Variants in ST6GALNAC2 observed in about 807,000 individuals in gnomAD.
The protein encoded by ST6GALNAC2 is ST6 N-acetylgalactosaminide alpha-2,6-sialyltransferase 2, also known as alpha-N-acetylgalactosaminide alpha-2,6-sialyltransferase 2.
ST6GALNAC2 carries 42 observed loss-of-function variants against 38.7 expected under a neutral mutation model. That is an observed-to-expected ratio of 1.09 (90% CI 0.85 to 1.40). The LOEUF (loss-of-function observed/expected upper bound fraction) is 1.40. ST6GALNAC2 is among the 40% of genes most tolerant of loss of function. The pLI is 0.00. For synonymous variants in ST6GALNAC2, 233 were observed against 209.0 expected (o/e 1.11, Z -0.99); for missense variants, 506 against 481.7 (o/e 1.05, Z -0.47).
chr17:76,577,244 T>G (rs138349091), intron 2 of ST6GALNAC2, among the ~76,000 whole-genome samples: 15,333 of 151,096 alleles, frequency 0.1, 896 homozygotes, highest in Middle Eastern at 0.15. Context: ...TTTTTTGTAT[T>G]TTTTGTAGAG....
Position 76,566,236 on chromosome 17 carries a change from C to T in ST6GALNAC2, c.993G>A (p.Trp331Ter). Reference sequence around the variant, plus strand: ...GTTCGAAATAGTGGTCGGAAAATTTCCAGTAGTTGCTTGTGATGAATCCAT... The same window carrying T: ...GTTCGAAATAGTGGTCGGAAAATTTTCAGTAGTTGCTTGTGATGAATCCAT... ...SAYGFITSNY[W>*]KFSDHYFERK... Residue 331 changes from tryptophan to a stop codon, truncating the protein, a stop_gained, in exon 9 of 9, where the codon TGG becomes TGA. Transcript: ENST00000225276. LOFTEE classifies it low-confidence loss of function (END_TRUNC). 1 of 1,614,094 alleles carries T rather than the reference C, an allele frequency of 6.2e-7. No homozygotes were observed. The highest frequency in any genetic ancestry group is 8.5e-7 in the Non-Finnish European group (1 of 1,180,036).
At chr17:76,580,562 G>A (rs11077830) in intron 1 of ST6GALNAC2, among the ~76,000 whole-genome samples, 113,820 of 151,358 alleles carry the variant, frequency 0.75, 43,077 homozygotes, top group East Asian at 0.84. Context: ...CAGGTGTGGC[G>A]GCGGGTGCCT....
chr17:76,568,690 TC>T, intron 7 of ST6GALNAC2, 22 bp downstream of exon 7: 1 of 1,612,720 alleles, frequency 6.2e-7, no homozygotes, highest in Non-Finnish European at 8.5e-7. Flanking sequence ...GGGACGCTGT[TC>T]TTCAGGCACC....
At chr17:76,581,492 C>T (rs1458323220) in intron 1 of ST6GALNAC2, among the ~76,000 whole-genome samples, 1 of 152,122 alleles carries the variant, frequency 6.6e-6, no homozygotes, top group Non-Finnish European at 1.5e-5. Flanking sequence ...GGCTGGAGAG[C>T]CTGACGGAGG....
Position 76,574,369 on chromosome 17 carries a change from G to C in ST6GALNAC2, c.357C>G (p.His119Gln), listed in dbSNP as rs367883248. ...GAGACAGCGGGCGCGGGTTACCTTG[G>C]TGAGAGAGCCCCCGCCAGCCATACG... ...KAPYGWRGLS[H>Q]QVIASTLSLL... Residue 119 changes from histidine (H) to glutamine (Q), a missense_variant, in exon 3 of 9, where the codon CAC (histidine) becomes CAG (glutamine). Transcript: ENST00000225276. 1.2e-6 allele frequency: 2 copies of C among 1,612,282 alleles called. No homozygotes were observed. Among genetic ancestry groups the C allele is most frequent in the Non-Finnish European group, 1.7e-6 (2 of 1,179,126 alleles).
At chr17:76,575,551 C>T (rs899557457) in intron 2 of ST6GALNAC2, among the ~76,000 whole-genome samples, 6 of 152,332 alleles carry the variant, frequency 3.9e-5, no homozygotes, top group African/African-American at 1.2e-4. Context: ...AGGCTTTCTT[C>T]GAGCCTTCGG....
At chr17:76,570,706 G>T in intron 5 of ST6GALNAC2, 38 bp from the exon 6 acceptor site, 1 of 1,527,878 alleles carries the variant, frequency 6.5e-7, no homozygotes, top group Non-Finnish European at 9.0e-7. Flanking sequence ...AGGGGAACCA[G>T]GACATGTTTA....
At chr17:76,566,296 A>G (rs1433101924) in intron 8 of ST6GALNAC2, 25 bp from the exon 9 acceptor site, 1 of 1,612,778 alleles carries the variant, frequency 6.2e-7, no homozygotes. Context: ...TCGCTGGATT[A>G]GTATTTGTTG....
intron 8 of ST6GALNAC2, among the ~76,000 whole-genome samples, chr17:76,566,699 T>TAA (rs55837742): frequency 4.3e-4 from 63 of 146,464 alleles, no homozygotes; most frequent in Non-Finnish European, 4.9e-4. Flanking sequence ...CTACAAAAAG[T>TAA]AAAAAAAAAA....
At chr17:76,583,861 G>T (rs1391200594) in intron 1 of ST6GALNAC2, among the ~76,000 whole-genome samples, 1 of 147,790 alleles carries the variant, frequency 6.8e-6, no homozygotes, top group African/African-American at 2.5e-5. Flanking sequence ...AGGCTGGAGT[G>T]CAGTGGCGCG....
chr17:76,571,078 G>A (rs2075348373), intron 5 of ST6GALNAC2: 1 of 156,956 alleles, frequency 6.4e-6, no homozygotes, highest in South Asian at 1.9e-4. Flanking sequence ...AAGTGGCAAG[G>A]GCCCGTGAGA....
chr17:76,575,449 G>A (rs1167030153), intron 2 of ST6GALNAC2, among the ~76,000 whole-genome samples: 4 of 151,962 alleles, frequency 2.6e-5, no homozygotes, highest in Admixed American at 6.6e-5. Flanking sequence ...AGCATCCGTG[G>A]AAAGAGGCCG....
At chr17:76,567,724 A>G in intron 7 of ST6GALNAC2, 172 bp from the exon 8 acceptor site, 3 of 473,168 alleles carry the variant, frequency 6.3e-6, no homozygotes, top group Non-Finnish European at 7.8e-6. Context: ...ACCTTAGGTA[A>G]GGTTGGGGGA....
chr17:76,574,570 GT>G, intron 2 of ST6GALNAC2, 31 bp from the exon 3 acceptor site: 1 of 500,972 alleles, frequency 2.0e-6, no homozygotes, highest in Non-Finnish European at 4.0e-6. Context: ...GCTGAGCCCC[GT>G]TAGGTAGGGG....
chr17:76,572,467 G>A lies in ST6GALNAC2; in HGVS notation c.669+170C>T, dbSNP rs772153254. 3.9e-5 allele frequency among the ~76,000 whole-genome samples: 6 copies of A among 152,142 alleles called. No individual in the cohort carries two copies. In the East Asian group the frequency reaches 9.6e-4, roughly 24 times the overall value. ...TGACGCCTGAATCAGCAGGGAGTCC[G>A]GGACCAGATCCCCCCTCACCTTCAG... On this transcript the variant is annotated intron_variant, in intron 5 of 8. Coordinates refer to ENST00000225276, the MANE Select transcript of ST6GALNAC2 (RefSeq NM_006456.3).
chr17:76,572,214 C>T (rs905308700), intron 5 of ST6GALNAC2, among the ~76,000 whole-genome samples: 9 of 152,058 alleles, frequency 5.9e-5, no homozygotes. Flanking sequence ...CTCCATAAAT[C>T]CCCTTCTCCT....
intron 2 of ST6GALNAC2, among the ~76,000 whole-genome samples, chr17:76,577,054 CT>C (rs199904327): frequency 1.1e-5 from 1 of 90,174 alleles, no homozygotes; most frequent in African/African-American, 3.6e-5. Flanking sequence ...TTAACAAATT[CT>C]TTTTTTTCTT....
At chr17:76,569,906 G>A (rs564241417) in intron 6 of ST6GALNAC2, 2 of 257,970 alleles carry the variant, frequency 7.8e-6, no homozygotes, top group East Asian at 1.5e-4. Flanking sequence ...CACAGCAGTG[G>A]CGTCGATTTT....
intron 7 of ST6GALNAC2, chr17:76,568,088 C>CATCCACACACCCCTCTCCAA (rs1408061511): frequency 1.8e-5 from 3 of 162,620 alleles, no homozygotes; most frequent in Non-Finnish European, 4.1e-5. Flanking sequence ...TGCCTCCCCA[C>CATCCACACACCCCTCTCCAA]ATCCACACAC....
Sources: gnomAD v4.1 joint callset for allele counts (sites outside exome capture counted in the v4.1 genomes callset) on GRCh38, gnomAD v4.1.1 for gene constraint, MANE v1.5 for transcripts, NCBI Gene and HGNC (gene_info 2026-07-23, HGNC 2026-07-21) for gene names.